The following VWA8 variants were observed in gnomAD, a reference collection of about 807,000 sequenced individuals.
VWA8 encodes von Willebrand factor A domain-containing protein 8.
A neutral mutation model predicts 241.5 loss-of-function variants in VWA8; 221 were observed. That is an observed-to-expected ratio of 0.91 (90% CI 0.82 to 1.02). The LOEUF is 1.02. Among genes scored for constraint, VWA8 ranks in the 50% least tolerant of loss-of-function variants. The pLI is 0.00. For missense variants in VWA8, 2,322 were observed against 2,328.7 expected (o/e 1.00, Z 0.06); for synonymous variants, 852 against 827.1 (o/e 1.03, Z -0.52).
At chr13:41,794,551 T>G (rs892911882) in intron 17 of VWA8, among the ~76,000 whole-genome samples, 3 of 152,246 alleles carry the variant, frequency 2.0e-5, no homozygotes, top group African/African-American at 7.2e-5. Flanking sequence ...AATGGGATTT[T>G]CTAGAAATAG....
intron 14 of VWA8, among the ~76,000 whole-genome samples, chr13:41,821,277 A>T (rs1360015237): frequency 6.6e-6 from 1 of 152,206 alleles, no homozygotes; most frequent in East Asian, 1.9e-4. Flanking sequence ...AATTTGAAGA[A>T]GGCAGTTTCT....
intron 26 of VWA8, among the ~76,000 whole-genome samples, chr13:41,703,841 G>A (rs2045266204): frequency 6.7e-6 from 1 of 148,458 alleles, no homozygotes; most frequent in Non-Finnish European, 1.5e-5. Context: ...GCAGTTGTGT[G>A]ATATCGGCTC....
At chr13:41,859,872 C>T (rs923219815) in intron 12 of VWA8, among the ~76,000 whole-genome samples, 1 of 152,152 alleles carries the variant, frequency 6.6e-6, no homozygotes, top group African/African-American at 2.4e-5. Context: ...TATACATGTA[C>T]AAATAACAGG....
At chr13:41,912,322 A>T (rs547105170) in intron 2 of VWA8, among the ~76,000 whole-genome samples, 154 bp from the exon 3 acceptor site, 123 of 151,838 alleles carry the variant, frequency 8.1e-4, no homozygotes, top group African/African-American at 2.8e-3. Context: ...AATATATATA[A>T]ACATATGCAT....
At chr13:41,878,219 CA>C (rs1173692075) in intron 9 of VWA8, among the ~76,000 whole-genome samples, 2 of 151,916 alleles carry the variant, frequency 1.3e-5, no homozygotes, top group Non-Finnish European at 2.9e-5. Context: ...CTTAAGTAAA[CA>C]TTTTTTTCCA....
At position 41,920,644 on chromosome 13, in the gene VWA8, G is replaced by A. The variant is rs61963118; in HGVS notation, c.242-8476C>T. Among the ~76,000 whole-genome samples the A allele has an allele frequency of 9.5e-3, 1,451 of 152,244 alleles. 7 individuals carry two copies. Among genetic ancestry groups the A allele is most frequent in the Non-Finnish European group, 0.014 (933 of 68,008 alleles). ...CCCACAGAAATACAAACTACCATGA[G>A]AGAATACTATAAACACTTCTGCACA... is the stretch of plus-strand genomic sequence containing the variant. On this transcript the variant is annotated intron_variant, in intron 2 of 44. Coordinates refer to ENST00000379310, the MANE Select transcript of VWA8 (RefSeq NM_015058.2).
chr13:41,816,509 GGA>G (rs1870700239), intron 16 of VWA8, among the ~76,000 whole-genome samples, 187 bp downstream of exon 16: 1 of 152,172 alleles, frequency 6.6e-6, no homozygotes, highest in African/African-American at 2.4e-5. Context: ...TCAGCGAGGA[GGA>G]GCTGGAAGAG....
intron 26 of VWA8, among the ~76,000 whole-genome samples, chr13:41,713,329 T>C (rs1416194622): frequency 6.6e-6 from 1 of 152,206 alleles, no homozygotes; most frequent in Non-Finnish European, 1.5e-5. Context: ...TCCTTTTCTC[T>C]TTCTAGGGCC....
intron 37 of VWA8, among the ~76,000 whole-genome samples, chr13:41,657,482 C>CTTT (rs35182691): frequency 1.0e-4 from 14 of 136,132 alleles, no homozygotes; most frequent in African/African-American, 2.7e-4. Flanking sequence ...AAAAGTTATT[C>CTTT]TTTTTTTTTT....
At chr13:41,726,395 T>C (rs1265538478) in intron 24 of VWA8, among the ~76,000 whole-genome samples, 1 of 152,122 alleles carries the variant, frequency 6.6e-6, no homozygotes, top group African/African-American at 2.4e-5. Flanking sequence ...TCACATTGAG[T>C]GTGAGAGTCC....
intron 37 of VWA8, among the ~76,000 whole-genome samples, chr13:41,640,657 C>T (rs2044789576): frequency 6.6e-6 from 1 of 152,140 alleles, no homozygotes. Flanking sequence ...AAAGTTTTAC[C>T]TAGTGATTTA....
intron 43 of VWA8, among the ~76,000 whole-genome samples, chr13:41,574,305 G>T (rs1168340156): frequency 2.6e-5 from 4 of 151,834 alleles, no homozygotes; most frequent in Non-Finnish European, 5.9e-5. Flanking sequence ...ATCAAATCAA[G>T]AACTCAATCT....
chr13:41,958,949 ATG>A (rs1278073040), intron 1 of VWA8, among the ~76,000 whole-genome samples: 1 of 152,180 alleles, frequency 6.6e-6, no homozygotes, highest in African/African-American at 2.4e-5. Context: ...TCACACCCAC[ATG>A]TGTTTTTACA....
At chr13:41,691,548 T>C in intron 31 of VWA8, 103 bp from the exon 32 acceptor site, 1 of 1,381,622 alleles carries the variant, frequency 7.2e-7, no homozygotes, top group Non-Finnish European at 9.6e-7. Context: ...ATAAAAAGAA[T>C]GTTTTAAGAT....
chr13:41,875,673 C>T (rs1422036738), intron 9 of VWA8, among the ~76,000 whole-genome samples: 1 of 151,982 alleles, frequency 6.6e-6, no homozygotes, highest in Non-Finnish European at 1.5e-5. Flanking sequence ...CCTTCTCAGT[C>T]TTTTTTGCAG....
Position 41,932,848 on chromosome 13 carries a change from T to G in VWA8, c.241+17088A>C, listed in dbSNP as rs1233240492. On this transcript the variant is annotated intron_variant, in intron 2 of 44. Transcript: ENST00000379310. Reference sequence around the variant, plus strand: ...CTTGATAAAGAACATCCTAAACCTTTACCTAACCTACTTAAAAATGAAAGA... The same window carrying G: ...CTTGATAAAGAACATCCTAAACCTTGACCTAACCTACTTAAAAATGAAAGA... 2.0e-5 allele frequency among the ~76,000 whole-genome samples: 3 copies of G among 152,114 alleles called. No individual in the cohort carries two copies. In the East Asian group the frequency reaches 5.8e-4, roughly 29 times the overall value.
Position 41,654,280 on chromosome 13 carries a change from A to AT in VWA8, c.4611+16665dup, listed in dbSNP as rs568245884. The stretch of plus-strand genomic sequence containing the variant: ...CTTCAAATATATGCCCACAAAACAC[A>AT]TTATAAAGGAAAAAATAGTAATGTC... On this transcript the variant is annotated intron_variant, in intron 37 of 44. Coordinates refer to ENST00000379310, the MANE Select transcript of VWA8 (RefSeq NM_015058.2). Among the ~76,000 whole-genome samples, 110 of 152,340 alleles carry AT rather than the reference A, an allele frequency of 7.2e-4. 1 individual carries two copies. The South Asian group carries it at 0.022, about 31-fold the overall frequency.
chr13:41,960,863 C>A lies in VWA8; in HGVS notation c.153G>T (p.Gly51=), dbSNP rs1231862483. ...CGCACCCCGAGTTACCTGTGTCGGC[C>A]CCCGAGCCGGCGTGCAACAGTCTGA... ...PEVRLLHAGS[G]ADTGDTVNIG... The change falls in exon 1 of 45, where the codon GGG becomes GGT. Residue 51 remains glycine, a synonymous_variant. Transcript: ENST00000379310. The A allele has an allele frequency of 6.6e-7, 1 of 1,518,740 alleles. No homozygotes were observed. The highest frequency in any genetic ancestry group is 1.2e-5 in the South Asian group (1 of 83,340). The allele number at this position is 1,518,740 out of a possible 1,614,324, so 94.1% of individuals were successfully genotyped here. A position where few individuals can be genotyped will look rare whatever the true frequency, so the allele number is the denominator to read the frequency against.
intron 21 of VWA8, among the ~76,000 whole-genome samples, chr13:41,739,416 A>G (rs1334002001): frequency 6.6e-6 from 1 of 152,200 alleles, no homozygotes; most frequent in Non-Finnish European, 1.5e-5. Context: ...CCCAAAATAC[A>G]TCTTCACATA....
Sources: allele counts gnomAD v4.1 joint callset (sites outside exome capture counted in the v4.1 genomes callset), GRCh38; gene constraint gnomAD v4.1.1; transcripts MANE v1.5; gene names NCBI Gene and HGNC (gene_info 2026-07-23, HGNC 2026-07-21).